Variants in SPPL2B observed in about 807,000 individuals in gnomAD.
SPPL2B encodes the protein signal peptide peptidase-like 2B.
In SPPL2B, 39 loss-of-function variants were observed where a neutral mutation model predicts 59.7. The ratio of observed to expected loss-of-function variants is 0.65; its 90% confidence interval spans 0.51 to 0.85. The LOEUF is 0.85. SPPL2B is among the 40% of genes least tolerant of loss of function. The probability of loss-of-function intolerance (pLI) is 0.00; values close to 1 mark genes in which losing one functional copy is unlikely to be tolerated. For synonymous variants in SPPL2B, 419 were observed against 370.8 expected (o/e 1.13, Z -1.49); for missense variants, 865 against 849.0 (o/e 1.02, Z -0.23).
intron 13 of SPPL2B, among the ~76,000 whole-genome samples, chr19:2,350,649 T>C (rs1480333755): frequency 6.6e-6 from 1 of 152,278 alleles, no homozygotes; most frequent in Non-Finnish European, 1.5e-5. Context: ...ACTGAACACA[T>C]GCAGATTTTT....
At chr19:2,336,572 G>A (rs563571232) in intron 2 of SPPL2B, among the ~76,000 whole-genome samples, 6 of 152,122 alleles carry the variant, frequency 3.9e-5, no homozygotes, top group Admixed American at 2.0e-4. Flanking sequence ...GTGTGTGTGC[G>A]TGAGCTTGAG....
Position 2,328,730 on chromosome 19 carries a change from T to G in SPPL2B, c.21T>G (p.Ala7=). 1 of 1,457,456 alleles carries G rather than the reference T, an allele frequency of 6.9e-7. No homozygotes were observed. Among genetic ancestry groups the G allele is most frequent in the Non-Finnish European group, 9.0e-7 (1 of 1,113,338 alleles). 90.3% of individuals were successfully genotyped at this position (1,457,456 alleles called of 1,614,324 possible). Residue 7 remains alanine (A), a synonymous_variant, in exon 1 of 15, where the codon GCT becomes GCG. Transcript: ENST00000613503. Reference sequence around the variant, plus strand: ...CCGACATGGCGGCAGCGGTGGCGGCTGCGCTGGCGCGGCTTTTGGCGGCCT... The same window carrying G: ...CCGACATGGCGGCAGCGGTGGCGGCGGCGCTGGCGCGGCTTTTGGCGGCCT... MAAAVA[A]ALARLLAAFL...
At chr19:2,334,819 G>A in intron 2 of SPPL2B, 98 bp downstream of exon 2, 6 of 1,408,848 alleles carry the variant, frequency 4.3e-6, no homozygotes, top group Non-Finnish European at 4.7e-6. Context: ...AGATCCAGAG[G>A]CGAGAGGCAG....
chr19:2,339,115 C>A lies in SPPL2B; in HGVS notation c.506C>A (p.Pro169Gln), dbSNP rs372134156. Residue 169 changes from proline (P) to glutamine (Q), a missense_variant, in exon 5 of 15, where the codon CCG becomes CAG. By Grantham distance (76) the Pro-to-Gln change is moderately conservative. Transcript: ENST00000613503. ...GCGGCGCTGTATGCGCCTAAGGAGC[C>A]GGTGCTGGACTACAACATGGTCATC... ...VRAALYAPKE[P>Q]VLDYNMVIIF... is the part of the protein sequence containing the mutation. 1 of 1,579,590 alleles carries A rather than the reference C, an allele frequency of 6.3e-7. No individual in the cohort carries two copies. Among genetic ancestry groups the A allele is most frequent in the East Asian group, 2.3e-5 (1 of 42,988 alleles).
Position 2,344,403 on chromosome 19 carries a change from G to T in SPPL2B, c.1155G>T (p.Ser385=). The T allele has an allele frequency of 6.5e-7, 1 of 1,535,236 alleles. No individual in the cohort carries two copies. Among genetic ancestry groups the T allele is most frequent in the Non-Finnish European group, 8.8e-7 (1 of 1,137,366 alleles). ...SIMVEVATGP[S]DSATREKLPM... ...TGGTGGAGGTGGCCACTGGGCCCTC[G>T]GACTCAGCCACCCGTGAGAAGGTGT... Residue 385 remains serine (S), a synonymous_variant, in exon 11 of 15, where the codon TCG becomes TCT. Coordinates refer to ENST00000613503, the MANE Select transcript of SPPL2B (RefSeq NM_152988.3).
At position 2,337,499 on chromosome 19, in the gene SPPL2B, C is replaced by G. The variant is rs1968721555; in HGVS notation, c.243C>G (p.Leu81=). 6.2e-7 allele frequency: 1 copy of G among 1,613,190 alleles called. No individual in the cohort carries two copies. Among genetic ancestry groups the G allele is most frequent in the Non-Finnish European group, 8.5e-7 (1 of 1,179,676 alleles). ...TASLLCSAAD[L]PARGFSNQIP... ...CCCTGCTCTGCTCCGCAGCCGACCT[C>G]CCCGCCCGTGGCTTCAGCAACCAGA... The change falls in exon 3 of 15, where the codon CTC becomes CTG. Residue 81 remains leucine, a synonymous_variant. Coordinates refer to ENST00000613503, the MANE Select transcript of SPPL2B (RefSeq NM_152988.3).
At chr19:2,336,094 A>G (rs1017791941) in intron 2 of SPPL2B, among the ~76,000 whole-genome samples, 1 of 152,210 alleles carries the variant, frequency 6.6e-6, no homozygotes, top group African/African-American at 2.4e-5. Context: ...CATGTGTACT[A>G]GATATGTGCA....
rs757596429 is a variant in SPPL2B at position 2,351,578 on chromosome 19, C to G, written c.1499C>G (p.Thr500Arg). ...CGCCGGGAGCTGGGCGTGTTCTGGA[C>G]GGGCAGCGGCTTTGCGGTGAATACC... is the stretch of plus-strand genomic sequence containing the variant. ...LWRRELGVFW[T>R]GSGFAKVLPP... Residue 500 changes from threonine to arginine, a missense_variant, in exon 14 of 15, where the codon ACG becomes AGG. Thr to Arg is a moderately conservative substitution (Grantham distance 71, BLOSUM62 -1). Coordinates refer to ENST00000613503, the MANE Select transcript of SPPL2B (RefSeq NM_152988.3). The G allele has an allele frequency of 2.5e-6, 4 of 1,609,978 alleles. No individual in the cohort carries two copies. In the African/African-American group the frequency reaches 5.3e-5, roughly 22 times the overall value.
At position 2,343,223 on chromosome 19, in the gene SPPL2B, C is replaced by T; in HGVS notation, c.969C>T (p.Val323=). The T allele has an allele frequency of 6.4e-7, 1 of 1,554,932 alleles. No homozygotes were observed. Among genetic ancestry groups the T allele is most frequent in the Non-Finnish European group, 8.7e-7 (1 of 1,148,920 alleles). Residue 323 remains valine, a synonymous_variant, in exon 9 of 15, where the codon GTC becomes GTT. Transcript: ENST00000613503. ...CTTTGTCTTGCAGGTGGGCCTGGGT[C>T]CTCCAGGATGCCCTGGGCATCGCCT... is the stretch of plus-strand genomic sequence containing the variant. ...VFRNEDQWAW[V]LQDALGIAFC...
At chr19:2,339,742 T>C in intron 5 of SPPL2B, 82 bp from the exon 6 acceptor site, 2 of 1,520,686 alleles carry the variant, frequency 1.3e-6, no homozygotes, top group South Asian at 1.2e-5. Context: ...TTCTGCCCCG[T>C]TCCCCCGGGT....
At position 2,337,562 on chromosome 19, in the gene SPPL2B, G is replaced by T. The variant is rs1194401601; in HGVS notation, c.306G>T (p.Glu102Asp). ...LVARGNCTFY[E>D]KVRLAQGSGA... ...CGCGGGGGAACTGCACCTTCTATGA[G>T]AAAGTGAGGCTGGCCCAGGGCAGCG... Residue 102 changes from glutamate (E) to aspartate (D), a missense_variant, in exon 3 of 15, where the codon GAG becomes GAT. Coordinates refer to ENST00000613503, the MANE Select transcript of SPPL2B (RefSeq NM_152988.3). 2 of 1,611,684 alleles carry T rather than the reference G, an allele frequency of 1.2e-6. No individual in the cohort carries two copies. The highest frequency in any genetic ancestry group is 1.7e-6 in the Non-Finnish European group (2 of 1,179,426).
At position 2,332,111 on chromosome 19, in the gene SPPL2B, G is replaced by A. The variant is rs758453756; in HGVS notation, c.67-2491G>A. Among the ~76,000 whole-genome samples, 1 of 152,250 alleles carries A rather than the reference G, an allele frequency of 6.6e-6. No individual in the cohort carries two copies. The highest frequency in any genetic ancestry group is 6.5e-5 in the Admixed American group (1 of 15,286). ...CTCCTGACTCTGCCTGGGCTCTGGG[G>A]GAGGTCACATGGGAGGTGCTTGGAG... On this transcript the variant is annotated intron_variant, in intron 1 of 14. Coordinates refer to ENST00000613503, the MANE Select transcript of SPPL2B (RefSeq NM_152988.3). This position sits in a 1 kb window ranked among gnomAD's most constrained non-coding sequence, Gnocchi z 4.6.
At chr19:2,334,562 G>A (rs370617420) in intron 1 of SPPL2B, 40 bp from the exon 2 acceptor site, 601 of 1,586,650 alleles carry the variant, frequency 3.8e-4, no homozygotes, top group Non-Finnish European at 4.8e-4. Context: ...AGCCCCGCAC[G>A]TCCCGTGCTG....
At position 2,353,548 on chromosome 19, in the gene SPPL2B, G is replaced by T. The variant is rs1970047320; in HGVS notation, c.*339G>T. The T allele has an allele frequency of 1.7e-5, 5 of 295,206 alleles. No individual in the cohort carries two copies. Among genetic ancestry groups the T allele is most frequent in the Admixed American group, 4.8e-5 (1 of 20,764 alleles). 18.3% of individuals were successfully genotyped at this position (295,206 alleles called of 1,614,324 possible). A position where few individuals can be genotyped will look rare whatever the true frequency, so the allele number is the denominator to read the frequency against. On this transcript the variant is annotated 3_prime_UTR_variant, in exon 15 of 15. Transcript: ENST00000613503. ...CTGCATGAGTGAGCAGGCGTGGGTG[G>T]ACTCTGGCCGCGGCCACACTTGGTG... is the stretch of plus-strand genomic sequence containing the variant.
intron 9 of SPPL2B, among the ~76,000 whole-genome samples, chr19:2,343,720 G>C (rs1243221326): frequency 6.6e-6 from 1 of 152,170 alleles, no homozygotes; most frequent in Non-Finnish European, 1.5e-5. Context: ...CGTGGCACAG[G>C]CCTCCGCCCT....
chr19:2,340,583 A>T, intron 7 of SPPL2B: 1 of 541,222 alleles, frequency 1.8e-6, no homozygotes. Flanking sequence ...GCCCAGGGGG[A>T]GACCTTTTTG....
At position 2,351,622 on chromosome 19, in the gene SPPL2B, G is replaced by A. The variant is rs368654241; in HGVS notation, c.1515+28G>A. On this transcript the variant is annotated intron_variant, in intron 14 of 14. Coordinates refer to ENST00000613503, the MANE Select transcript of SPPL2B (RefSeq NM_152988.3). ...GAATACCAGTTTGCTCTGACTGTGA[G>A]AAATACTCGCCTAGTGAGCCCTAAC... The A allele has an allele frequency of 6.3e-6, 10 of 1,590,120 alleles. No individual in the cohort carries two copies. The African/African-American group carries it at 1.2e-4, about 19-fold the overall frequency.
intron 1 of SPPL2B, 138 bp from the exon 2 acceptor site, chr19:2,334,464 G>A (rs1164592544): frequency 8.5e-7 from 1 of 1,176,454 alleles, no homozygotes; most frequent in African/African-American, 1.6e-5. Context: ...TGTCGAGAGG[G>A]GGAAGCATCC....
intron 13 of SPPL2B, among the ~76,000 whole-genome samples, chr19:2,350,142 C>G (rs1969825311): frequency 2.0e-5 from 3 of 149,566 alleles, no homozygotes; most frequent in Middle Eastern, 7.2e-3. Context: ...ATTCCGTTCT[C>G]TCTCTCCACA....
Sources: gnomAD v4.1 joint callset for allele counts (sites outside exome capture counted in the v4.1 genomes callset) on GRCh38, gnomAD v4.1.1 for gene constraint, Gnocchi (gnomAD v3.1) non-coding constraint, MANE v1.5 for transcripts, NCBI Gene and HGNC (gene_info 2026-07-23, HGNC 2026-07-21) for gene names.